Variants in PRUNE2 observed in about 807,000 individuals in gnomAD.
The protein encoded by PRUNE2 is protein prune homolog 2.
A neutral mutation model predicts 252.0 loss-of-function variants in PRUNE2; 164 were observed. The observed-to-expected ratio is 0.65, with a 90% CI of 0.57 to 0.74. The LOEUF (loss-of-function observed/expected upper bound fraction) is 0.74, where lower values mean the gene tolerates loss of function less well. Among genes scored for constraint, PRUNE2 ranks in the 30% least tolerant of loss-of-function variants. The pLI, the probability that PRUNE2 is intolerant of heterozygous loss-of-function variation, is 0.00. For synonymous variants in PRUNE2, 1,292 were observed against 1,350.2 expected, an observed-to-expected ratio of 0.96 and a Z score of 0.94; for missense variants, 3,495 against 3,711.0, an observed-to-expected ratio of 0.94 and a Z score of 1.51.
At chr9:76,800,779 T>A (rs1486867731) in intron 6 of PRUNE2, among the ~76,000 whole-genome samples, 2 of 152,234 alleles carry the variant, frequency 1.3e-5, no homozygotes. Context: ...TATTGAAGAT[T>A]ACACATAAAA....
At chr9:76,811,543 G>A (rs558835552) in intron 6 of PRUNE2, among the ~76,000 whole-genome samples, 3 of 152,122 alleles carry the variant, frequency 2.0e-5, no homozygotes, top group Non-Finnish European at 1.5e-5. Context: ...CAGTGTCGTG[G>A]AGCTTGTTTC....
intron 1 of PRUNE2, among the ~76,000 whole-genome samples, chr9:76,901,460 C>T (rs1275387328): frequency 6.6e-6 from 1 of 152,158 alleles, no homozygotes; most frequent in East Asian, 1.9e-4. Flanking sequence ...CATTACTAGT[C>T]CTTACCACAG....
intron 15 of PRUNE2, among the ~76,000 whole-genome samples, chr9:76,629,601 CTTT>C (rs11330504): frequency 7.0e-4 from 102 of 145,492 alleles, no homozygotes; most frequent in Non-Finnish European, 1.3e-3. Flanking sequence ...ACTTCACATG[CTTT>C]TTTTTTTTTT....
At chr9:76,791,840 G>A (rs543006797) in intron 6 of PRUNE2, among the ~76,000 whole-genome samples, 1 of 152,180 alleles carries the variant, frequency 6.6e-6, no homozygotes, top group East Asian at 1.9e-4. Flanking sequence ...GACTAAGGGA[G>A]GGGGAAAGAA....
chr9:76,687,580 G>A, intron 9 of PRUNE2: 1 of 355,974 alleles, frequency 2.8e-6, no homozygotes, highest in East Asian at 8.2e-5. Flanking sequence ...GGTTTCCAAA[G>A]CAGACTGCCA....
chr9:76,710,455 T>G lies in PRUNE2; in HGVS notation c.1819A>C (p.Arg607=). The G allele has an allele frequency of 6.2e-7, 1 of 1,613,998 alleles. No homozygotes were observed. The highest frequency in any genetic ancestry group is 8.5e-7 in the Non-Finnish European group (1 of 1,179,896). The part of the protein sequence containing the change: ...SPERLKNTGK[R]IPPTPMNSLV... ...CTATTCATGGGTGTTGGTGGGATCC[T>G]CTTTCCAGTATTTTTTAGCCTTTCT... Residue 607 remains arginine (R), a synonymous_variant, in exon 8 of 19, where the codon AGG becomes CGG. Transcript: ENST00000376718.
chr9:76,753,098 C>T (rs1396555224), intron 6 of PRUNE2, among the ~76,000 whole-genome samples: 1 of 152,120 alleles, frequency 6.6e-6, no homozygotes, highest in East Asian at 1.9e-4. Context: ...GGTGTGATCA[C>T]AACTTACTAG....
intron 4 of PRUNE2, among the ~76,000 whole-genome samples, chr9:76,837,940 T>G (rs902572596): frequency 1.3e-5 from 2 of 151,660 alleles, no homozygotes; most frequent in Non-Finnish European, 2.9e-5. Context: ...CCCAGCTAAT[T>G]TTTTGTATTT....
At chr9:76,673,279 T>A (rs2041878691) in intron 9 of PRUNE2, among the ~76,000 whole-genome samples, 1 of 149,274 alleles carries the variant, frequency 6.7e-6, no homozygotes, top group Non-Finnish European at 1.5e-5. Flanking sequence ...CAAACACCTC[T>A]ACGCAAATAA....
intron 6 of PRUNE2, among the ~76,000 whole-genome samples, chr9:76,783,472 T>G (rs1484535441): frequency 6.6e-6 from 1 of 152,162 alleles, no homozygotes; most frequent in Non-Finnish European, 1.5e-5. Flanking sequence ...AGAGGGGACC[T>G]CAAGAGAATG....
chr9:76,736,135 A>AGT (rs10536918), intron 6 of PRUNE2, among the ~76,000 whole-genome samples: 5,352 of 149,484 alleles, frequency 0.036, 121 homozygotes, highest in South Asian at 0.072. Flanking sequence ...GGTTTGTGTG[A>AGT]GTGTGTGTGT....
chr9:76,801,896 T>C (rs1173714983), intron 6 of PRUNE2, among the ~76,000 whole-genome samples: 1 of 152,134 alleles, frequency 6.6e-6, no homozygotes, highest in Admixed American at 6.5e-5. Context: ...AAGCGTTATG[T>C]CATTAATGGA....
chr9:76,875,664 G>A (rs958291039), intron 1 of PRUNE2, among the ~76,000 whole-genome samples: 13 of 151,986 alleles, frequency 8.6e-5, no homozygotes, highest in Admixed American at 1.3e-4. Context: ...ATGCCCAGCC[G>A]GCTCTGTGTT....
chr9:76,899,165 T>TTCTA (rs746378178), intron 1 of PRUNE2, among the ~76,000 whole-genome samples: 1 of 152,196 alleles, frequency 6.6e-6, no homozygotes, highest in Non-Finnish European at 1.5e-5. Flanking sequence ...GGAGCCCAAC[T>TTCTA]TCTAGTCTTT....
At chr9:76,629,333 A>G in intron 15 of PRUNE2, 43 bp from the exon 16 acceptor site, 1 of 1,040,388 alleles carries the variant, frequency 9.6e-7, no homozygotes, top group Non-Finnish European at 1.4e-6. Flanking sequence ...ATTAGTCACT[A>G]CCTTATCCAT....
intron 6 of PRUNE2, among the ~76,000 whole-genome samples, chr9:76,815,665 T>C (rs1368634550): frequency 6.6e-6 from 1 of 152,196 alleles, no homozygotes; most frequent in Non-Finnish European, 1.5e-5. Context: ...ATAATCCCTG[T>C]TGCAAAATCA....
chr9:76,865,467 T>C (rs1368040906), intron 1 of PRUNE2, among the ~76,000 whole-genome samples: 1 of 152,228 alleles, frequency 6.6e-6, no homozygotes, highest in African/African-American at 2.4e-5. Context: ...CACTGTACAA[T>C]GAACAAGGGT....
At position 76,850,013 on chromosome 9, in the gene PRUNE2, G is replaced by A. The variant is rs997369953; in HGVS notation, c.344+450C>T. Among the ~76,000 whole-genome samples the A allele has an allele frequency of 5.3e-5, 8 of 151,802 alleles. No homozygotes were observed. The East Asian group carries it at 9.7e-4, about 18-fold the overall frequency. On this transcript the variant is annotated intron_variant, in intron 3 of 18. Transcript: ENST00000376718. Reference sequence around the variant, plus strand: ...TTCTCTGCATGTCCTCTGCCTTGCCGTTGTTGTGTTGTTGTTGTTGTTTTG... The same window carrying A: ...TTCTCTGCATGTCCTCTGCCTTGCCATTGTTGTGTTGTTGTTGTTGTTTTG...
chr9:76,763,415 C>T (rs923326702), intron 6 of PRUNE2, among the ~76,000 whole-genome samples: 1 of 152,132 alleles, frequency 6.6e-6, no homozygotes, highest in South Asian at 2.1e-4. Flanking sequence ...CAAGCATAGG[C>T]GTGCTTCTGG....
Sources: gnomAD v4.1 joint callset for allele counts (sites outside exome capture counted in the v4.1 genomes callset) on GRCh38, gnomAD v4.1.1 for gene constraint, MANE v1.5 for transcripts, NCBI Gene and HGNC (gene_info 2026-07-23, HGNC 2026-07-21) for gene names.